The following LDLRAD4 variants were observed in gnomAD, a reference collection of about 807,000 sequenced individuals.
The protein encoded by LDLRAD4 is low density lipoprotein receptor class A domain containing 4.
A neutral mutation model predicts 17.0 loss-of-function variants in LDLRAD4; 5 were observed. That is an observed-to-expected ratio of 0.29 (90% CI 0.15 to 0.62). The LOEUF (loss-of-function observed/expected upper bound fraction) is 0.62. Among genes scored for constraint, LDLRAD4 ranks in the 20% least tolerant of loss-of-function variants. The probability of loss-of-function intolerance (pLI) is 0.84; values close to 1 mark genes in which losing one functional copy is unlikely to be tolerated. For missense variants in LDLRAD4, 340 were observed against 424.7 expected, an observed-to-expected ratio of 0.80 and a Z score of 1.75; for synonymous variants, 168 against 171.8, an observed-to-expected ratio of 0.98 and a Z score of 0.17.
At chr18:13,357,269 A>C (rs2144559087) in intron 1 of LDLRAD4, among the ~76,000 whole-genome samples, 1 of 152,272 alleles carries the variant, frequency 6.6e-6, no homozygotes, top group South Asian at 2.1e-4. Context: ...ATTAGAGATG[A>C]GGTCTTGCTC....
chr18:13,462,536 A>G (rs1271822633), intron 3 of LDLRAD4, among the ~76,000 whole-genome samples: 6 of 152,234 alleles, frequency 3.9e-5, no homozygotes, highest in African/African-American at 1.4e-4. Context: ...GGCACTGTTC[A>G]ATAAGCAGTT....
intron 3 of LDLRAD4, among the ~76,000 whole-genome samples, chr18:13,467,718 C>G (rs1357613693): frequency 6.6e-6 from 1 of 152,206 alleles, no homozygotes; most frequent in Non-Finnish European, 1.5e-5. Flanking sequence ...TCAGAGGACT[C>G]ACACTTCCCA....
At chr18:13,248,813 C>T (rs2043094377) in intron 1 of LDLRAD4, among the ~76,000 whole-genome samples, 1 of 152,108 alleles carries the variant, frequency 6.6e-6, no homozygotes, top group Non-Finnish European at 1.5e-5. Flanking sequence ...GTTACTGTTA[C>T]TTATAATCAT....
At chr18:13,469,368 C>T (rs1010897698) in intron 3 of LDLRAD4, among the ~76,000 whole-genome samples, 1 of 152,218 alleles carries the variant, frequency 6.6e-6, no homozygotes, top group African/African-American at 2.4e-5. Flanking sequence ...TATGATGCAA[C>T]AATTCCACTC....
exon 6 of LDLRAD4, chr18:13,648,201 A>G (rs2149027060): frequency 6.7e-6 from 1 of 148,456 alleles, no homozygotes; most frequent in African/African-American, 2.6e-5. Flanking sequence ...CTCAGAGCAG[A>G]GACTTGTGAA....
rs2084108545 is a variant in LDLRAD4 at position 13,367,090 on chromosome 18, G to T, written c.-382-20251G>T. On this transcript the variant is annotated intron_variant, in intron 1 of 5. Transcript: ENST00000359446. This position sits in a 1 kb window ranked among gnomAD's most constrained non-coding sequence, Gnocchi z 4.1. The stretch of plus-strand genomic sequence containing the variant: ...AGGTCAGTTTACTCTTAGGACATTT[G>T]CCCACAGCGAGATGCAAACTGGGTG... Among the ~76,000 whole-genome samples, 1 of 152,178 alleles carries T rather than the reference G, an allele frequency of 6.6e-6. No homozygotes were observed. The highest frequency in any genetic ancestry group is 2.4e-5 in the African/African-American group (1 of 41,444).
intron 1 of LDLRAD4, among the ~76,000 whole-genome samples, chr18:13,384,904 G>A (rs922176844): frequency 6.6e-6 from 1 of 152,206 alleles, no homozygotes; most frequent in Non-Finnish European, 1.5e-5. Context: ...CACTTAGGTT[G>A]CTTCCGTATC....
chr18:13,288,935 A>C (rs2045809329), intron 1 of LDLRAD4, among the ~76,000 whole-genome samples: 1 of 152,236 alleles, frequency 6.6e-6, no homozygotes. Context: ...AACACCACCT[A>C]GGAAAGAAAT....
chr18:13,388,802 G>A (rs73954268), intron 2 of LDLRAD4, among the ~76,000 whole-genome samples: 4,692 of 152,314 alleles, frequency 0.031, 247 homozygotes, highest in African/African-American at 0.11. Flanking sequence ...ACGAGGGGAC[G>A]GGTCTTCCCA....
intron 3 of LDLRAD4, among the ~76,000 whole-genome samples, chr18:13,495,825 C>T (rs531156482): frequency 1.2e-4 from 19 of 152,300 alleles, no homozygotes; most frequent in Admixed American, 6.5e-4. Flanking sequence ...CATACGGCAA[C>T]GTCACCAGCA....
At chr18:13,409,671 G>A (rs566982445) in intron 2 of LDLRAD4, among the ~76,000 whole-genome samples, 3 of 152,300 alleles carry the variant, frequency 2.0e-5, no homozygotes, top group South Asian at 2.1e-4. Context: ...ATTAGGGACA[G>A]CTTGGGCCAT....
chr18:13,543,966 G>A (rs1010916132), intron 3 of LDLRAD4, among the ~76,000 whole-genome samples: 50 of 152,248 alleles, frequency 3.3e-4, no homozygotes, highest in African/African-American at 1.1e-3. Flanking sequence ...ATACCAGGAC[G>A]AGGCCTGCCC....
chr18:13,492,313 T>C (rs2093375912), intron 3 of LDLRAD4, among the ~76,000 whole-genome samples: 1 of 152,254 alleles, frequency 6.6e-6, no homozygotes, highest in African/African-American at 2.4e-5. Context: ...TGATGGGATC[T>C]CATCTTTGTA....
chr18:13,558,621 T>G (rs148092237), intron 3 of LDLRAD4, among the ~76,000 whole-genome samples: 3 of 152,368 alleles, frequency 2.0e-5, no homozygotes, highest in Non-Finnish European at 4.4e-5. Flanking sequence ...CGTAAATGTT[T>G]ATCAGCTAGC....
intron 2 of LDLRAD4, among the ~76,000 whole-genome samples, chr18:13,422,083 T>C (rs1257952543): frequency 6.6e-6 from 1 of 152,276 alleles, no homozygotes; most frequent in African/African-American, 2.4e-5. Flanking sequence ...ACCGTTTATC[T>C]AAGTATTACT....
intron 1 of LDLRAD4, among the ~76,000 whole-genome samples, chr18:13,265,081 C>G (rs2044141361): frequency 6.6e-6 from 1 of 152,198 alleles, no homozygotes; most frequent in African/African-American, 2.4e-5. Context: ...GCCTGTGATT[C>G]TACCTTCTAA....
At chr18:13,227,912 CAG>C (rs1331236250) in intron 1 of LDLRAD4, among the ~76,000 whole-genome samples, 5 of 152,332 alleles carry the variant, frequency 3.3e-5, no homozygotes, top group African/African-American at 1.2e-4. Flanking sequence ...AGTGGGGACA[CAG>C]AGCCTGAACG....
intron 1 of LDLRAD4, among the ~76,000 whole-genome samples, chr18:13,239,257 C>T (rs537341087): frequency 3.3e-5 from 5 of 151,476 alleles, no homozygotes; most frequent in South Asian, 4.2e-4. Flanking sequence ...ATGAAGCCTG[C>T]GGTTGGAGGG....
chr18:13,313,754 C>T (rs1255237600), intron 1 of LDLRAD4, among the ~76,000 whole-genome samples: 1 of 152,190 alleles, frequency 6.6e-6, no homozygotes, highest in Admixed American at 6.5e-5. Context: ...GTGACGGTTT[C>T]TGCCTTTGTT....
Sources: gnomAD v4.1 joint callset for allele counts (sites outside exome capture counted in the v4.1 genomes callset) on GRCh38, gnomAD v4.1.1 for gene constraint, Gnocchi (gnomAD v3.1) non-coding constraint, MANE v1.5 for transcripts, NCBI Gene and HGNC (gene_info 2026-07-23, HGNC 2026-07-21) for gene names.